The following SAMD4A variants were observed in gnomAD, a reference collection of about 807,000 sequenced individuals.
SAMD4A encodes the protein sterile alpha motif domain containing 4A.
In SAMD4A, 33 loss-of-function variants were observed where a neutral mutation model predicts 81.3. That is an observed-to-expected ratio of 0.41 (90% CI 0.31 to 0.54). The LOEUF (loss-of-function observed/expected upper bound fraction) is 0.54. Among genes scored for constraint, SAMD4A ranks in the 20% least tolerant of loss-of-function variants. SAMD4A has a pLI of 0.37. For missense variants in SAMD4A, 854 were observed against 951.1 expected (o/e 0.90, Z 1.34); for synonymous variants, 389 against 382.1 (o/e 1.02, Z -0.21).
chr14:54,782,897 G>T (rs2039034780), intron 11 of SAMD4A, among the ~76,000 whole-genome samples: 1 of 152,168 alleles, frequency 6.6e-6, no homozygotes, highest in Non-Finnish European at 1.5e-5. Context: ...CTGGCCCCAT[G>T]TGCTCCCTTG....
intron 2 of SAMD4A, among the ~76,000 whole-genome samples, chr14:54,618,334 C>T (rs558838286): frequency 1.3e-5 from 2 of 152,184 alleles, no homozygotes; most frequent in Non-Finnish European, 2.9e-5. Context: ...GCATATGCTA[C>T]AAATCCATCC....
At chr14:54,775,478 T>C (rs2038818739) in intron 10 of SAMD4A, among the ~76,000 whole-genome samples, 1 of 152,222 alleles carries the variant, frequency 6.6e-6, no homozygotes, top group Non-Finnish European at 1.5e-5. Flanking sequence ...TAGAGAAGTT[T>C]CTTGCCCTTT....
chr14:54,610,358 T>C (rs888281296), intron 2 of SAMD4A, among the ~76,000 whole-genome samples: 1 of 152,172 alleles, frequency 6.6e-6, no homozygotes, highest in Non-Finnish European at 1.5e-5. Context: ...GAAAAGCAAC[T>C]CCAGGCCCCG....
chr14:54,688,039 AG>A, intron 2 of SAMD4A: 3 of 985,732 alleles, frequency 3.0e-6, no homozygotes, highest in Non-Finnish European at 3.6e-6. Context: ...CAAAGTGGAG[AG>A]GGAGGAGATG....
At chr14:54,712,225 G>A (rs2037007619) in intron 3 of SAMD4A, among the ~76,000 whole-genome samples, 1 of 151,744 alleles carries the variant, frequency 6.6e-6, no homozygotes, top group Non-Finnish European at 1.5e-5. Context: ...GAGTTCCTTT[G>A]AAATCTTTCA....
intron 2 of SAMD4A, among the ~76,000 whole-genome samples, chr14:54,672,621 T>A (rs2035909736): frequency 6.6e-6 from 1 of 152,170 alleles, no homozygotes; most frequent in Non-Finnish European, 1.5e-5. Flanking sequence ...TTATCATGAA[T>A]TTTTTTTAAA....
At chr14:54,565,821 C>T (rs1231349009), upstream of SAMD4A, among the ~76,000 whole-genome samples, 1 of 152,032 alleles carries the variant, frequency 6.6e-6, no homozygotes, top group East Asian at 1.9e-4. The surrounding 1 kb of genome is among the most constrained non-coding windows in gnomAD (Gnocchi z 5.4). Context: ...TTCACCCGGA[C>T]CCGTCCTCTT....
intron 3 of SAMD4A, among the ~76,000 whole-genome samples, chr14:54,733,523 C>T (rs904755612): frequency 6.6e-6 from 1 of 152,126 alleles, no homozygotes; most frequent in Non-Finnish European, 1.5e-5. Context: ...AATATGCTGT[C>T]CCTCTACCCA....
chr14:54,626,072 G>GCA (rs1566554588), intron 2 of SAMD4A, among the ~76,000 whole-genome samples: 5 of 111,476 alleles, frequency 4.5e-5, no homozygotes, highest in African/African-American at 1.9e-4. Flanking sequence ...GCGCGCGCGC[G>GCA]CGCGAGTGCG....
At chr14:54,593,707 T>C (rs1594706857) in intron 2 of SAMD4A, among the ~76,000 whole-genome samples, 1 of 152,254 alleles carries the variant, frequency 6.6e-6, no homozygotes, top group African/African-American at 2.4e-5. Context: ...TTGAAACCAA[T>C]ATGTATGAGT....
intron 2 of SAMD4A, among the ~76,000 whole-genome samples, chr14:54,633,008 C>T (rs1289793835): frequency 6.6e-6 from 1 of 152,130 alleles, no homozygotes; most frequent in Non-Finnish European, 1.5e-5. Flanking sequence ...CACACATGTA[C>T]AAGTTTATAT....
chr14:54,701,641 G>A (rs931989549), intron 2 of SAMD4A, among the ~76,000 whole-genome samples: 1 of 152,226 alleles, frequency 6.6e-6, no homozygotes, highest in Admixed American at 6.5e-5. Flanking sequence ...TCTGGGGGAG[G>A]TGAAGCAGCC....
At chr14:54,578,571 G>T (rs1246527227) in intron 2 of SAMD4A, among the ~76,000 whole-genome samples, 1 of 152,028 alleles carries the variant, frequency 6.6e-6, no homozygotes, top group Non-Finnish European at 1.5e-5. Context: ...AATTAGCTGG[G>T]CGTGGTTGTG....
At chr14:54,766,301 G>A (rs538846838) in intron 8 of SAMD4A, among the ~76,000 whole-genome samples, 5 of 151,976 alleles carry the variant, frequency 3.3e-5, no homozygotes, top group Non-Finnish European at 7.4e-5. Flanking sequence ...GTTACAACTC[G>A]TCCATTCCCT....
intron 2 of SAMD4A, among the ~76,000 whole-genome samples, chr14:54,654,431 GA>G (rs1393181853): frequency 1.3e-5 from 2 of 152,072 alleles, no homozygotes; most frequent in Non-Finnish European, 2.9e-5. Flanking sequence ...TTGAGGTCAG[GA>G]AAAACCTAGG....
At chr14:54,782,225 G>A (rs1423064858) in intron 11 of SAMD4A, among the ~76,000 whole-genome samples, 2 of 152,158 alleles carry the variant, frequency 1.3e-5, no homozygotes, top group Non-Finnish European at 2.9e-5. Context: ...CAAATGTCGA[G>A]CATCTTTATT....
intron 2 of SAMD4A, among the ~76,000 whole-genome samples, chr14:54,571,375 C>G (rs543303433): frequency 6.6e-6 from 1 of 152,178 alleles, no homozygotes; most frequent in African/African-American, 2.4e-5. Context: ...AGCTACTGCT[C>G]CAGTTGAACA....
chr14:54,715,285 T>G (rs2037090805), intron 3 of SAMD4A, among the ~76,000 whole-genome samples: 1 of 152,152 alleles, frequency 6.6e-6, no homozygotes, highest in Non-Finnish European at 1.5e-5. Flanking sequence ...TATGAAAGTT[T>G]GGGGTTGGAT....
At chr14:54,780,630 T>C (rs1234598767) in intron 11 of SAMD4A, among the ~76,000 whole-genome samples, 1 of 152,178 alleles carries the variant, frequency 6.6e-6, no homozygotes, top group East Asian at 1.9e-4. Flanking sequence ...AATAAATCAA[T>C]TCTGTCATAG....
Sources: gnomAD v4.1 joint callset for allele counts (sites outside exome capture counted in the v4.1 genomes callset) on GRCh38, gnomAD v4.1.1 for gene constraint, Gnocchi (gnomAD v3.1) non-coding constraint, MANE v1.5 for transcripts, NCBI Gene and HGNC (gene_info 2026-07-23, HGNC 2026-07-21) for gene names.